PITPNM2: variants seen among roughly 807,000 people sequenced by gnomAD.
PITPNM2 encodes membrane-associated phosphatidylinositol transfer protein 2.
PITPNM2 carries 35 observed loss-of-function variants against 132.2 expected under a neutral mutation model. That is an observed-to-expected ratio of 0.26 (90% CI 0.20 to 0.35). The LOEUF (loss-of-function observed/expected upper bound fraction) is 0.35. PITPNM2 is among the 10% of genes least tolerant of loss of function. PITPNM2 has a pLI of 1.00. For synonymous variants in PITPNM2, 738 were observed against 799.2 expected (o/e 0.92, Z 1.29); for missense variants, 1,332 against 1,912.0 (o/e 0.70, Z 5.66).
Position 123,058,110 on chromosome 12 carries a change from ACTT to A in PITPNM2, c.-95-23428_-95-23426del, listed in dbSNP as rs1478181635. 5.9e-5 allele frequency among the ~76,000 whole-genome samples: 9 copies of A among 152,258 alleles called. No homozygotes were observed. Among genetic ancestry groups the A allele is most frequent in the Admixed American group, 1.3e-4 (2 of 15,292 alleles). On this transcript the variant is annotated intron_variant, in intron 2 of 25. Coordinates refer to ENST00000320201, the MANE Select transcript of PITPNM2 (RefSeq NM_020845.3). The surrounding 1 kb of genome is among the most constrained non-coding windows in gnomAD (Gnocchi z 4.0). ...AAGTACTTACGAACCCACGTTCTTC[ACTT>A]CTTCTTTTTGGGCATTTTGTCGGAA...
intron 1 of PITPNM2, among the ~76,000 whole-genome samples, chr12:123,114,043 T>C (rs1363317925): frequency 6.6e-6 from 1 of 152,244 alleles, no homozygotes. Flanking sequence ...CTTGTTATGA[T>C]GGAGTAATAT....
chr12:123,072,757 T>C (rs568599712), intron 2 of PITPNM2, among the ~76,000 whole-genome samples: 2 of 152,370 alleles, frequency 1.3e-5, no homozygotes, highest in East Asian at 3.9e-4. Flanking sequence ...GCCACAAAGC[T>C]GACCTACTGG....
intron 3 of PITPNM2, among the ~76,000 whole-genome samples, chr12:123,015,162 A>T (rs971564469): frequency 1.3e-5 from 2 of 152,230 alleles, no homozygotes; most frequent in African/African-American, 4.8e-5. Flanking sequence ...CAGCAGCTTT[A>T]TTTGTAGAAA....
intron 3 of PITPNM2, among the ~76,000 whole-genome samples, chr12:123,033,301 G>A (rs2040156221): frequency 6.6e-6 from 1 of 152,230 alleles, no homozygotes. Flanking sequence ...GCTAGGCCAT[G>A]CCAGGCACTG....
At position 123,031,718 on chromosome 12, in the gene PITPNM2, C is replaced by T. The variant is rs1436013525; in HGVS notation, c.78+2795G>A. On this transcript the variant is annotated intron_variant, in intron 3 of 25. Transcript: ENST00000320201. This position sits in a 1 kb window ranked among gnomAD's most constrained non-coding sequence, Gnocchi z 4.5. ...TGAGCAGGAACACCAACAGCCTTGCCCCCAATCTCCCCTCCAAGCATGCTA... is the reference window on the plus strand; with the variant it reads ...TGAGCAGGAACACCAACAGCCTTGCTCCCAATCTCCCCTCCAAGCATGCTA... Among the ~76,000 whole-genome samples, 1 of 152,210 alleles carries T rather than the reference C, an allele frequency of 6.6e-6. No individual in the cohort carries two copies. Among genetic ancestry groups the T allele is most frequent in the Non-Finnish European group, 1.5e-5 (1 of 68,026 alleles).
intron 1 of PITPNM2, among the ~76,000 whole-genome samples, chr12:123,121,855 T>TTTTG (rs775224614): frequency 1.1e-4 from 16 of 151,928 alleles, no homozygotes; most frequent in Non-Finnish European, 2.1e-4. Flanking sequence ...CATGTCAACC[T>TTTTG]TTTGTTTGTT....
intron 8 of PITPNM2, among the ~76,000 whole-genome samples, chr12:123,003,188 C>T (rs959634618): frequency 5.3e-5 from 8 of 152,160 alleles, no homozygotes; most frequent in African/African-American, 1.7e-4. Context: ...CTATGAACAC[C>T]GCCTCCAAGA....
chr12:122,998,449 C>A (rs1412983800), intron 10 of PITPNM2, among the ~76,000 whole-genome samples: 4 of 152,046 alleles, frequency 2.6e-5, no homozygotes, highest in Non-Finnish European at 4.4e-5. Flanking sequence ...TCTGAAGCCT[C>A]TGCCACTACT....
chr12:123,109,443 C>G (rs1382754819), intron 2 of PITPNM2, among the ~76,000 whole-genome samples: 1 of 152,192 alleles, frequency 6.6e-6, no homozygotes, highest in African/African-American at 2.4e-5. Context: ...CATTCAATCT[C>G]TAGACCTGGC....
At chr12:123,128,398 G>A (rs558677404) in intron 1 of PITPNM2, among the ~76,000 whole-genome samples, 11 of 130,978 alleles carry the variant, frequency 8.4e-5, no homozygotes, top group African/African-American at 2.1e-4. Context: ...GCTAAATCAC[G>A]CCACTGCACT....
At position 122,997,464 on chromosome 12, in the gene PITPNM2, T is replaced by C; in HGVS notation, c.1333A>G (p.Lys445Glu). The C allele has an allele frequency of 6.2e-7, 1 of 1,613,552 alleles. No homozygotes were observed. Among genetic ancestry groups the C allele is most frequent in the Admixed American group, 1.7e-5 (1 of 60,024 alleles). The change falls in exon 11 of 26, where the codon AAG becomes GAG. Residue 445 changes from lysine (K) to glutamate (E), a missense_variant. By Grantham distance (56) the Lys-to-Glu change is moderately conservative. This residue lies in a region of PITPNM2 where 710 missense variants were observed against 911.5 expected (regional missense o/e 0.78). Coordinates refer to ENST00000320201, the MANE Select transcript of PITPNM2 (RefSeq NM_020845.3). The stretch of plus-strand genomic sequence containing the variant: ...GCGATGGTGTTAGCATCGCCCTTCT[T>C]GGAGCTGGGGTCCCCGGCGCCTGTG... ...LDTGAGDPSSKKGDANTIANV... is the reference protein window; with the variant it reads ...LDTGAGDPSSEKGDANTIANV...
At chr12:123,001,490 G>A (rs777134946) in intron 8 of PITPNM2, among the ~76,000 whole-genome samples, 3 of 152,182 alleles carry the variant, frequency 2.0e-5, no homozygotes, top group Non-Finnish European at 4.4e-5. Context: ...TTGGCCCCTG[G>A]CCACCACCAA....
At chr12:123,065,217 A>AT in intron 2 of PITPNM2, among the ~76,000 whole-genome samples, 1 of 152,234 alleles carries the variant, frequency 6.6e-6, no homozygotes, top group Non-Finnish European at 1.5e-5. Context: ...TTCCGAGAGC[A>AT]TCCAAAAAAC....
At position 123,045,292 on chromosome 12, in the gene PITPNM2, C is replaced by G. The variant is rs117508174; in HGVS notation, c.-95-10607G>C. 5.8e-4 allele frequency among the ~76,000 whole-genome samples: 89 copies of G among 152,358 alleles called. 2 individuals carry two copies. The East Asian group carries it at 0.017, about 29-fold the overall frequency. The stretch of plus-strand genomic sequence containing the variant: ...TTTGATCCCCTTTATAGCAAATCCT[C>G]CTCAAGCTTAGCTATACTTGCTGTT... On this transcript the variant is annotated intron_variant, in intron 2 of 25. Transcript: ENST00000320201.
At chr12:123,090,183 C>A (rs186742646) in intron 2 of PITPNM2, 1 of 152,282 alleles carries the variant, frequency 6.6e-6, no homozygotes, top group East Asian at 1.9e-4. Flanking sequence ...TTGGCTGAGG[C>A]TGATAGAGTC....
intron 2 of PITPNM2, among the ~76,000 whole-genome samples, chr12:123,086,674 C>T (rs2042121548): frequency 6.6e-6 from 1 of 152,220 alleles, no homozygotes; most frequent in Admixed American, 6.5e-5. Flanking sequence ...CCAGGACATA[C>T]AGCCAAGAGG....
intron 16 of PITPNM2, chr12:122,991,873 C>G (rs776834841): frequency 7.6e-7 from 1 of 1,312,884 alleles, no homozygotes; most frequent in Non-Finnish European, 9.7e-7. Context: ...CCAGGACCAG[C>G]TCAGGGTTTC....
rs527907433 is a variant in PITPNM2 at position 123,041,574 on chromosome 12, C to T, written c.-95-6889G>A. On this transcript the variant is annotated intron_variant, in intron 2 of 25. Coordinates refer to ENST00000320201, the MANE Select transcript of PITPNM2 (RefSeq NM_020845.3). ...GAGCCCCCTTGGCCCGAAGCTGAACCCTCCTCACTCAGACAATTTCATTAC... is the reference window on the plus strand; with the variant it reads ...GAGCCCCCTTGGCCCGAAGCTGAACTCTCCTCACTCAGACAATTTCATTAC... Among the ~76,000 whole-genome samples, 46 of 152,310 alleles carry T rather than the reference C, an allele frequency of 3.0e-4. No homozygotes were observed. In the South Asian group the frequency reaches 7.9e-3, roughly 26 times the overall value.
At chr12:123,131,878 A>G (rs1019483636) in intron 1 of PITPNM2, among the ~76,000 whole-genome samples, 2 of 152,222 alleles carry the variant, frequency 1.3e-5, no homozygotes, top group African/African-American at 4.8e-5. Context: ...GCCCTTTCAC[A>G]TACATTCTCC....
Sources: allele counts gnomAD v4.1 joint callset (sites outside exome capture counted in the v4.1 genomes callset), GRCh38; gene constraint gnomAD v4.1.1; regional missense constraint gnomAD v4.1.1; non-coding constraint Gnocchi (gnomAD v3.1); transcripts MANE v1.5; gene names NCBI Gene and HGNC (gene_info 2026-07-23, HGNC 2026-07-21).